Variants in ADAM15 observed in about 807,000 individuals in gnomAD.
ADAM15 encodes the protein disintegrin and metalloproteinase domain-containing protein 15.
A neutral mutation model predicts 113.8 loss-of-function variants in ADAM15; 77 were observed. That is an observed-to-expected ratio of 0.68 (90% CI 0.56 to 0.82). ADAM15 has a LOEUF of 0.82. Among genes scored for constraint, ADAM15 ranks in the 40% least tolerant of loss-of-function variants. The probability of loss-of-function intolerance (pLI) is 0.00; values close to 1 mark genes in which losing one functional copy is unlikely to be tolerated. For missense variants in ADAM15, 963 were observed against 1,120.1 expected (o/e 0.86, Z 2.00); for synonymous variants, 388 against 454.1 (o/e 0.85, Z 1.85).
chr1:155,057,163 C>CA lies in ADAM15; in HGVS notation c.1149-23dup. ...GGGGGCAGGGAGAGGCCCCCAGCCC[C>CA]AACCTTCCTTGCCACCCTCCCCAGC... On this transcript the variant is annotated intron_variant, in intron 11 of 22. Transcript: ENST00000356955. This position sits in a 1 kb window ranked among gnomAD's most constrained non-coding sequence, Gnocchi z 5.0. 6.2e-7 allele frequency: 1 copy of CA among 1,602,850 alleles called. No homozygotes were observed. The highest frequency in any genetic ancestry group is 8.5e-7 in the Non-Finnish European group (1 of 1,172,116).
In ADAM15 at chr1:155,058,930, T is replaced by C. The variant is rs561741871; in HGVS notation, c.1995+143T>C. 7.1e-6 allele frequency: 8 copies of C among 1,126,712 alleles called. No individual in the cohort carries two copies. In the African/African-American group the frequency reaches 9.5e-5, roughly 13 times the overall value. 69.8% of individuals were successfully genotyped at this position (1,126,712 alleles called of 1,614,324 possible). A position where few individuals can be genotyped will look rare whatever the true frequency, so the allele number is the denominator to read the frequency against. The stretch of plus-strand genomic sequence containing the variant: ...GTGTGACCTCGGGCAGGTTACTAAC[T>C]TTGCTGAGCTCAGTTTCCCCACCTA... On this transcript the variant is annotated intron_variant, in intron 16 of 22. Transcript: ENST00000356955. This position sits in a 1 kb window ranked among gnomAD's most constrained non-coding sequence, Gnocchi z 4.3.
Position 155,057,296 on chromosome 1 carries a change from T to A in ADAM15, c.1257T>A (p.Pro419=). The change falls in exon 12 of 23, where the codon CCT becomes CCA. Residue 419 remains proline, a synonymous_variant. Transcript: ENST00000356955. The surrounding 1 kb of genome is among the most constrained non-coding windows in gnomAD (Gnocchi z 5.0). ...TCGAACGGCTGCCTAGCCTACCCCCTATGGCTGCTTTCTGCGGAAATATGT... is the reference window on the plus strand; with the variant it reads ...TCGAACGGCTGCCTAGCCTACCCCCAATGGCTGCTTTCTGCGGAAATATGT... ...CLFERLPSLP[P]MAAFCGNMFV... is the part of the protein sequence containing the mutation. 3 of 1,614,170 alleles carry A rather than the reference T, an allele frequency of 1.9e-6. No homozygotes were observed. The highest frequency in any genetic ancestry group is 2.5e-6 in the Non-Finnish European group (3 of 1,180,008).
chr1:155,054,619 C>A, intron 6 of ADAM15, 113 bp downstream of exon 6: 1 of 1,164,316 alleles, frequency 8.6e-7, no homozygotes, highest in Non-Finnish European at 1.2e-6. Flanking sequence ...GCACTTTCCA[C>A]ATGCTGGGCA....
intron 16 of ADAM15, among the ~76,000 whole-genome samples, chr1:155,059,329 A>AG (rs1431459861): frequency 6.6e-6 from 1 of 152,082 alleles, no homozygotes; most frequent in Non-Finnish European, 1.5e-5. Context: ...AGCCTCCCAA[A>AG]GTGCTGGGAT....
chr1:155,052,565 T>C (rs1400929621), intron 1 of ADAM15, 106 bp from the exon 2 acceptor site: 1 of 1,551,036 alleles, frequency 6.4e-7, no homozygotes. Flanking sequence ...CTCAGGTACC[T>C]AAGGGTCTTG....
At position 155,061,921 on chromosome 1, in the gene ADAM15, A is replaced by ACC. The variant is rs1558135040; in HGVS notation, c.2372_2373dup (p.Asn792ProfsTer14). 2.6e-6 allele frequency: 4 copies of ACC among 1,551,688 alleles called. No individual in the cohort carries two copies. The highest frequency in any genetic ancestry group is 2.8e-5 in the African/African-American group (2 of 72,402). On this transcript the variant is annotated frameshift_variant, in exon 21 of 23. Transcript: ENST00000356955. LOFTEE classifies it high-confidence loss of function. ...CTGTTCAGGCTGAGCTGGCTGACCG[A>ACC]CCCAATCCCCCTACCCGCCCTCTGC... is the stretch of plus-strand genomic sequence containing the variant.
In ADAM15 at chr1:155,051,371, C is replaced by T. The variant is rs1470689893; in HGVS notation, c.-16C>T. ...TCCGCACTTGCTGCCCTCGCCCGGC[C>T]CGGAGCGCCGCTGCCATGCGGCTGG... On this transcript the variant is annotated 5_prime_UTR_variant, in exon 1 of 23. Transcript: ENST00000356955. 5.3e-6 allele frequency: 8 copies of T among 1,496,594 alleles called. No homozygotes were observed. Among genetic ancestry groups the T allele is most frequent in the Non-Finnish European group, 7.1e-6 (8 of 1,126,432 alleles). 92.7% of individuals were successfully genotyped at this position (1,496,594 alleles called of 1,614,324 possible).
intron 2 of ADAM15, among the ~76,000 whole-genome samples, chr1:155,053,198 A>G (rs1019440211): frequency 7.0e-6 from 1 of 142,378 alleles, no homozygotes; most frequent in Non-Finnish European, 1.5e-5. Flanking sequence ...TCTGGGCAGG[A>G]AGCCGAGAAG....
Position 155,053,887 on chromosome 1 carries a change from C to A in ADAM15, c.264-23C>A, listed in dbSNP as rs1174569348. 1.9e-6 allele frequency: 3 copies of A among 1,612,582 alleles called. No individual in the cohort carries two copies. The African/African-American group carries it at 4.0e-5, about 22-fold the overall frequency. ...GACCTGGGAAGTGGCTTTAGCACTG[C>A]CTTCTTTTTCTTCACTCCACAGGGA... is the stretch of plus-strand genomic sequence containing the variant. On this transcript the variant is annotated intron_variant, in intron 3 of 22. Transcript: ENST00000356955.
chr1:155,062,412 G>T lies in ADAM15; in HGVS notation c.2549+43G>T, dbSNP rs753201365. ...CATGGGTGGGCGGGGCGAGTGACCT[G>T]GGGGAAAGGGGCCTCTGACTCTTTT... On this transcript the variant is annotated intron_variant, in intron 22 of 22. Transcript: ENST00000356955. This position sits in a 1 kb window ranked among gnomAD's most constrained non-coding sequence, Gnocchi z 7.0. 94 of 1,611,732 alleles carry T rather than the reference G, an allele frequency of 5.8e-5. No individual in the cohort carries two copies. The highest frequency in any genetic ancestry group is 5.3e-4 in the Admixed American group (32 of 59,840).
rs757487781 is a variant in ADAM15, at chr1:155,061,909, G to T, written c.2358G>T (p.Glu786Asp). 1 of 1,535,344 alleles carries T rather than the reference G, an allele frequency of 6.5e-7. No homozygotes were observed. Among genetic ancestry groups the T allele is most frequent in the Non-Finnish European group, 8.8e-7 (1 of 1,139,436 alleles). Residue 786 changes from glutamate to aspartate, a missense_variant, in exon 21 of 23, where the codon GAG (glutamate) becomes GAT (aspartate). Physicochemically the swap from Glu to Asp is conservative, Grantham distance 45. Transcript: ENST00000356955. ...PDPVSKRLQA[E>D]LADRPNPPTR... ...CTGCCCCTCTCTCTGTTCAGGCTGA[G>T]CTGGCTGACCGACCCAATCCCCCTA...
chr1:155,058,160 G>A lies in ADAM15; in HGVS notation c.1721+5G>A. The A allele has an allele frequency of 1.9e-6, 3 of 1,611,332 alleles. No individual in the cohort carries two copies. The highest frequency in any genetic ancestry group is 2.5e-6 in the Non-Finnish European group (3 of 1,177,908). Reference sequence around the variant, plus strand: ...TTATGTGTCCTGCACCCCTAGGTAAGTGAGGAAACCTGGCTCCTCCTTTGG... The same window carrying A: ...TTATGTGTCCTGCACCCCTAGGTAAATGAGGAAACCTGGCTCCTCCTTTGG... On this transcript the variant is annotated splice_donor_5th_base_variant and intron_variant, in intron 14 of 22. Transcript: ENST00000356955. This position sits in a 1 kb window ranked among gnomAD's most constrained non-coding sequence, Gnocchi z 4.3.
rs1661768638 is a variant in ADAM15 at position 155,056,404 on chromosome 1, G to C, written c.933G>C (p.Gly311=). The change falls in exon 10 of 23, where the codon GGG becomes GGC. Residue 311 remains glycine, a synonymous_variant. Transcript: ENST00000356955. The surrounding 1 kb of genome is among the most constrained non-coding windows in gnomAD (Gnocchi z 4.0). ...AQLVTGTSFS[G]PTVGMAIQNS... is the part of the protein sequence containing the mutation. ...CCCACAGTGGTACTTCATTCTCTGGGCCTACGGTGGGCATGGCCATTCAGA... is the reference window on the plus strand; with the variant it reads ...CCCACAGTGGTACTTCATTCTCTGGCCCTACGGTGGGCATGGCCATTCAGA... 6.2e-7 allele frequency: 1 copy of C among 1,614,052 alleles called. No homozygotes were observed. Among genetic ancestry groups the C allele is most frequent in the Non-Finnish European group, 8.5e-7 (1 of 1,180,042 alleles).
chr1:155,058,560 T>A lies in ADAM15; in HGVS notation c.1917+119T>A. Reference sequence around the variant, plus strand: ...GCAGGGACTCCAAGGGAAGTCAGTTTCTTACTTCAGATGGAGCAAAGTCCT... The same window carrying A: ...GCAGGGACTCCAAGGGAAGTCAGTTACTTACTTCAGATGGAGCAAAGTCCT... On this transcript the variant is annotated intron_variant, in intron 15 of 22. Transcript: ENST00000356955. The surrounding 1 kb of genome is among the most constrained non-coding windows in gnomAD (Gnocchi z 4.3). The A allele has an allele frequency of 6.5e-7, 1 of 1,549,910 alleles. No homozygotes were observed. Among genetic ancestry groups the A allele is most frequent in the Non-Finnish European group, 8.7e-7 (1 of 1,148,700 alleles).
At position 155,056,348 on chromosome 1, in the gene ADAM15, G is replaced by A. The variant is rs757582778; in HGVS notation, c.915-38G>A. 1.9e-6 allele frequency: 3 copies of A among 1,612,508 alleles called. No homozygotes were observed. Among genetic ancestry groups the A allele is most frequent in the Non-Finnish European group, 2.5e-6 (3 of 1,178,710 alleles). On this transcript the variant is annotated intron_variant, in intron 9 of 22. Coordinates refer to ENST00000356955, the MANE Select transcript of ADAM15 (RefSeq NM_207197.3). This position sits in a 1 kb window ranked among gnomAD's most constrained non-coding sequence, Gnocchi z 4.0. ...CAGCCCCTGAAGCTCTGACCACCGT[G>A]GCTTCTGGCCCTGAACTTTAGCCTC...
chr1:155,060,729 G>C (rs989256963), intron 18 of ADAM15, 34 bp from the exon 19 acceptor site: 1 of 1,602,814 alleles, frequency 6.2e-7, no homozygotes, highest in Non-Finnish European at 8.5e-7. Context: ...TCTGAGGCTG[G>C]GCCCTCTCCC....
At chr1:155,052,569 G>T (rs1393758497) in intron 1 of ADAM15, 102 bp from the exon 2 acceptor site, 2 of 1,551,056 alleles carry the variant, frequency 1.3e-6, no homozygotes, top group Admixed American at 2.0e-5. Flanking sequence ...GGTACCTAAG[G>T]GTCTTGATGG....
chr1:155,051,514 G>A, intron 1 of ADAM15, 49 bp downstream of exon 1: 1 of 1,473,164 alleles, frequency 6.8e-7, no homozygotes, highest in Non-Finnish European at 9.0e-7. Flanking sequence ...GGAGGGAGGT[G>A]CAGGAAAGTC....
rs1327938261 is a variant in ADAM15 at position 155,052,972 on chromosome 1, G to A, written c.186+195G>A. On this transcript the variant is annotated intron_variant, in intron 2 of 22. Coordinates refer to ENST00000356955, the MANE Select transcript of ADAM15 (RefSeq NM_207197.3). ...TATCTCCCTCTCCCTCTGCACACAC[G>A]TGTATCTGTCTGCCTCAGCCCCACC... 6.6e-6 allele frequency among the ~76,000 whole-genome samples: 1 copy of A among 152,100 alleles called. No individual in the cohort carries two copies. The highest frequency in any genetic ancestry group is 2.1e-4 in the South Asian group (1 of 4,826).
Sources: allele counts gnomAD v4.1 joint callset (sites outside exome capture counted in the v4.1 genomes callset), GRCh38; gene constraint gnomAD v4.1.1; non-coding constraint Gnocchi (gnomAD v3.1); transcripts MANE v1.5; gene names NCBI Gene and HGNC (gene_info 2026-07-23, HGNC 2026-07-21).